Variants in PYROXD2 observed in about 807,000 individuals in gnomAD.
PYROXD2 encodes the protein pyridine nucleotide-disulphide oxidoreductase domain 2, also known as pyridine nucleotide-disulfide oxidoreductase domain-containing protein 2.
In PYROXD2, 69 loss-of-function variants were observed where a neutral mutation model predicts 71.1. The ratio of observed to expected loss-of-function variants is 0.97; its 90% CI spans 0.80 to 1.19. The LOEUF (loss-of-function observed/expected upper bound fraction) is 1.19. Ranked by LOEUF, PYROXD2 falls within the 50% of genes most tolerant of loss-of-function variation. The probability of loss-of-function intolerance (pLI) is 0.00; values close to 1 mark genes in which losing one functional copy is unlikely to be tolerated. For missense variants in PYROXD2, 745 were observed against 748.9 expected (o/e 0.99, Z 0.06); for synonymous variants, 287 against 302.7 (o/e 0.95, Z 0.54).
chr10:98,407,703 A>C (rs758435991), intron 3 of PYROXD2, 48 bp from the exon 4 acceptor site: 1 of 1,570,498 alleles, frequency 6.4e-7, no homozygotes, highest in African/African-American at 1.5e-5. Context: ...ACCAGGGATG[A>C]GGACCGTCAC....
chr10:98,395,124 T>A, intron 8 of PYROXD2, 72 bp downstream of exon 8: 3 of 1,322,532 alleles, frequency 2.3e-6, no homozygotes, highest in Non-Finnish European at 2.2e-6. Flanking sequence ...TTGCTGCCAC[T>A]GCCACTGTTG....
chr10:98,387,482 A>G (rs1842791931), intron 13 of PYROXD2, among the ~76,000 whole-genome samples, 175 bp from the exon 14 acceptor site: 1 of 152,190 alleles, frequency 6.6e-6, no homozygotes, highest in Non-Finnish European at 1.5e-5. Context: ...CCACAAGCAA[A>G]TGATTAATTC....
At chr10:98,392,143 A>G (rs935594828) in intron 10 of PYROXD2, among the ~76,000 whole-genome samples, 5 of 152,198 alleles carry the variant, frequency 3.3e-5, no homozygotes, top group Non-Finnish European at 7.3e-5. Context: ...AGAAATCAGG[A>G]AAGTAGGAAA....
chr10:98,386,840 A>C (rs1321163352), intron 14 of PYROXD2, among the ~76,000 whole-genome samples: 1 of 152,154 alleles, frequency 6.6e-6, no homozygotes, highest in Non-Finnish European at 1.5e-5. Flanking sequence ...CCCTGTCTCC[A>C]ATCTCTAGTT....
Position 98,407,598 on chromosome 10 carries a change from G to C in PYROXD2, c.299C>G (p.Thr100Ser), listed in dbSNP as rs141562311. 4 of 1,613,920 alleles carry C rather than the reference G, an allele frequency of 2.5e-6. No homozygotes were observed. The highest frequency in any genetic ancestry group is 2.5e-6 in the Non-Finnish European group (3 of 1,179,984). Residue 100 changes from threonine to serine, a missense_variant, in exon 4 of 16, where the codon ACT (threonine) becomes AGT (serine). Physicochemically the swap from Thr to Ser is moderately conservative, Grantham distance 58. Coordinates refer to ENST00000370575, the MANE Select transcript of PYROXD2 (RefSeq NM_032709.3). The stretch of plus-strand genomic sequence containing the variant: ...GGGCCCTACCTTCAGCTCCAGATCA[G>C]TGTAAATCTGCGGCCTCAGCAGGCT... ...LLSLLRPQIY[T>S]DLELKKHGLR...
chr10:98,397,590 G>A (rs765011973), intron 5 of PYROXD2, 92 bp from the exon 6 acceptor site: 13 of 1,424,726 alleles, frequency 9.1e-6, no homozygotes, highest in East Asian at 2.6e-5. Context: ...ACAGCTTGAC[G>A]GTTCCTCAGG....
intron 4 of PYROXD2, 117 bp downstream of exon 4, chr10:98,407,465 G>T: frequency 7.9e-7 from 1 of 1,264,860 alleles, no homozygotes; most frequent in South Asian, 1.3e-5. Context: ...TTGGGTGGAA[G>T]AGGGAGCCCT....
In PYROXD2 at chr10:98,392,469, G is replaced by A. The variant is rs1842977853; in HGVS notation, c.1025C>T (p.Thr342Ile). Reference protein sequence around the residue: ...EVRSKMVLSNTSPQITFLKLT... With the variant: ...EVRSKMVLSNISPQITFLKLT... ...CTTCAGGAAGGTGATCTGCGGTGAT[G>A]TGTTGGACAGCACCATTTTGCTTCT... The change falls in exon 10 of 16, where the codon ACA (threonine) becomes ATA (isoleucine). Residue 342 changes from threonine (T) to isoleucine (I), a missense_variant. Physicochemically the swap from Thr to Ile is moderately conservative, Grantham distance 89. Coordinates refer to ENST00000370575, the MANE Select transcript of PYROXD2 (RefSeq NM_032709.3). The A allele has an allele frequency of 6.2e-7, 1 of 1,613,874 alleles. No homozygotes were observed. Among genetic ancestry groups the A allele is most frequent in the Non-Finnish European group, 8.5e-7 (1 of 1,180,038 alleles).
At position 98,395,182 on chromosome 10, in the gene PYROXD2, C is replaced by T. The variant is rs536347885; in HGVS notation, c.785+14G>A. 8.7e-6 allele frequency: 14 copies of T among 1,606,086 alleles called. No homozygotes were observed. The highest frequency in any genetic ancestry group is 1.7e-5 in the Admixed American group (1 of 59,998). ...TGCCCCACTCCTGTGTCCCACCTCA[C>T]CCCCCTCACTCACCCACTCCCCGGA... On this transcript the variant is annotated intron_variant, in intron 8 of 15. Coordinates refer to ENST00000370575, the MANE Select transcript of PYROXD2 (RefSeq NM_032709.3).
chr10:98,398,296 T>C lies in PYROXD2; in HGVS notation c.472-798A>G, dbSNP rs146888032. ...CTCATCACCTGCAGTCACAGAAGCCTGCCTCCTCTCACCCCACAAGCTCCC... is the reference window on the plus strand; with the variant it reads ...CTCATCACCTGCAGTCACAGAAGCCCGCCTCCTCTCACCCCACAAGCTCCC... On this transcript the variant is annotated intron_variant, in intron 5 of 15. Coordinates refer to ENST00000370575, the MANE Select transcript of PYROXD2 (RefSeq NM_032709.3). Among the ~76,000 whole-genome samples, 354 of 152,260 alleles carry C rather than the reference T, an allele frequency of 2.3e-3. 1 individual carries two copies. Among genetic ancestry groups the C allele is most frequent in the African/African-American group, 8.1e-3 (335 of 41,556 alleles).
intron 14 of PYROXD2, among the ~76,000 whole-genome samples, chr10:98,386,758 A>T (rs1842768411): frequency 6.6e-6 from 1 of 152,058 alleles, no homozygotes; most frequent in Admixed American, 6.6e-5. Context: ...TACGTTGCCT[A>T]GGGTGGTCTC....
chr10:98,413,244 A>G (rs1843848638), intron 1 of PYROXD2, among the ~76,000 whole-genome samples: 2 of 152,360 alleles, frequency 1.3e-5, no homozygotes, highest in South Asian at 2.1e-4. Context: ...AATATTACAC[A>G]GAAGGGCTGA....
At chr10:98,399,999 GCA>G in intron 5 of PYROXD2, 101 bp downstream of exon 5, 1 of 1,394,150 alleles carries the variant, frequency 7.2e-7, no homozygotes, top group South Asian at 1.6e-5. Flanking sequence ...GTGGCCTGGC[GCA>G]GTGTCCATGG....
chr10:98,383,905 A>G (rs754601671), intron 15 of PYROXD2, 37 bp from the exon 16 acceptor site: 3 of 1,598,524 alleles, frequency 1.9e-6, no homozygotes, highest in Admixed American at 1.7e-5. Flanking sequence ...AGCTCCGCTC[A>G]AAAACCTGCC....
chr10:98,396,685 A>G (rs1422959423), intron 6 of PYROXD2, among the ~76,000 whole-genome samples: 3 of 152,166 alleles, frequency 2.0e-5, no homozygotes, highest in African/African-American at 7.2e-5. Flanking sequence ...TTCTAGCCAC[A>G]GCCATGATGC....
At chr10:98,384,713 C>T (rs752505555) in intron 15 of PYROXD2, among the ~76,000 whole-genome samples, 1 of 152,234 alleles carries the variant, frequency 6.6e-6, no homozygotes, top group Non-Finnish European at 1.5e-5. Context: ...ATCCCCAGGC[C>T]TCCTGAAGGG....
intron 10 of PYROXD2, 102 bp downstream of exon 10, chr10:98,392,330 G>A: frequency 6.6e-7 from 1 of 1,516,684 alleles, no homozygotes; most frequent in East Asian, 2.3e-5. Context: ...CTTGGCTTTT[G>A]CATCTCACAC....
intron 10 of PYROXD2, 26 bp from the exon 11 acceptor site, chr10:98,391,108 G>A (rs558732269): frequency 1.4e-6 from 2 of 1,464,484 alleles, no homozygotes; most frequent in Admixed American, 1.7e-5. Context: ...TCCATGAAAG[G>A]CCTCAGATGT....
chr10:98,398,432 T>A lies in PYROXD2; in HGVS notation c.472-934A>T, dbSNP rs542102936. Among the ~76,000 whole-genome samples, 5 of 152,300 alleles carry A rather than the reference T, an allele frequency of 3.3e-5. No homozygotes were observed. In the South Asian group the frequency reaches 1.0e-3, roughly 32 times the overall value. ...GCTACTGGAGGCCCTACCTGACTCT[T>A]CTTAGCCCTGGACTTTGAATTTTGG... is the stretch of plus-strand genomic sequence containing the variant. On this transcript the variant is annotated intron_variant, in intron 5 of 15. Transcript: ENST00000370575.
Sources: gnomAD v4.1 joint callset for allele counts (sites outside exome capture counted in the v4.1 genomes callset) on GRCh38, gnomAD v4.1.1 for gene constraint, MANE v1.5 for transcripts, NCBI Gene and HGNC (gene_info 2026-07-23, HGNC 2026-07-21) for gene names.